SEMA3D: variants seen among roughly 807,000 people sequenced by gnomAD.
The protein encoded by SEMA3D is semaphorin 3D.
Under a neutral mutation model 100.1 loss-of-function variants are expected in SEMA3D, and 84 were observed. The observed-to-expected ratio is 0.84, with a 90% confidence interval of 0.70 to 1.01. The LOEUF (loss-of-function observed/expected upper bound fraction) is 1.01, where lower values mean the gene tolerates loss of function less well. Among genes scored for constraint, SEMA3D ranks in the 50% least tolerant of loss-of-function variants. SEMA3D has a pLI of 0.00. For synonymous variants in SEMA3D, 312 were observed against 320.7 expected (o/e 0.97, Z 0.29); for missense variants, 875 against 934.1 (o/e 0.94, Z 0.82).
chr7:85,178,881 GA>G (rs1161125636), intron 1 of SEMA3D, among the ~76,000 whole-genome samples: 1 of 152,158 alleles, frequency 6.6e-6, no homozygotes, highest in Non-Finnish European at 1.5e-5. Context: ...TGCAGCCTTG[GA>G]CTTGGTGCCC....
chr7:85,112,936 G>T (rs537975815), intron 3 of SEMA3D, among the ~76,000 whole-genome samples: 66 of 152,172 alleles, frequency 4.3e-4, no homozygotes, highest in African/African-American at 1.5e-3. Flanking sequence ...TGTAGAATGG[G>T]TGAATATATG....
intron 2 of SEMA3D, chr7:85,143,194 A>G: frequency 1.0e-6 from 1 of 959,344 alleles, no homozygotes; most frequent in African/African-American, 1.8e-5. Context: ...GTCATATGAG[A>G]AAAGTGATTA....
At chr7:85,038,610 C>A (rs756198558) in intron 11 of SEMA3D, among the ~76,000 whole-genome samples, 5 of 152,148 alleles carry the variant, frequency 3.3e-5, no homozygotes, top group Non-Finnish European at 7.4e-5. Context: ...AAAAAACGAA[C>A]TATCTTGGGG....
intron 2 of SEMA3D, chr7:85,141,115 T>C: frequency 1.0e-6 from 1 of 982,514 alleles, no homozygotes; most frequent in Non-Finnish European, 1.2e-6. Context: ...GTTTCAAAAC[T>C]GTTTTTATAG....
chr7:85,025,358 G>A (rs928024169), intron 12 of SEMA3D, among the ~76,000 whole-genome samples: 1 of 151,964 alleles, frequency 6.6e-6, no homozygotes, highest in African/African-American at 2.4e-5. Flanking sequence ...AGATGAAAGT[G>A]GAAACCCAAC....
chr7:85,117,215 G>A (rs1004631491), intron 3 of SEMA3D, among the ~76,000 whole-genome samples: 1 of 152,114 alleles, frequency 6.6e-6, no homozygotes, highest in Admixed American at 6.6e-5. Flanking sequence ...GGAGAAACCT[G>A]AGGATACATG....
the SEMA3D span, among the ~76,000 whole-genome samples, chr7:85,243,541 T>C: frequency 6.6e-6 from 1 of 152,208 alleles, no homozygotes; most frequent in South Asian, 2.1e-4. Flanking sequence ...GTTTGCCCTA[T>C]GACTTCATTT....
intron 5 of SEMA3D, 76 bp from the exon 6 acceptor site, chr7:85,073,157 T>C (rs2116190170): frequency 7.8e-7 from 1 of 1,277,138 alleles, no homozygotes; most frequent in Non-Finnish European, 1.1e-6. Context: ...CCACCTGTTT[T>C]CCAAGTAGAT....
rs184238613 is a variant in SEMA3D at position 85,163,076 on chromosome 7, A to G, written c.-172-9337T>C. 87 of 645,404 alleles carry G rather than the reference A, an allele frequency of 1.3e-4. No homozygotes were observed. In the African/African-American group the frequency reaches 1.6e-3, roughly 12 times the overall value. The allele number at this position is 645,404 out of a possible 1,614,324, so 40.0% of individuals were successfully genotyped here. ...TATATACATATCCAAAATATACAGTAAGATTAGAAAGTAAAACAGAATACA... is the reference window on the plus strand; with the variant it reads ...TATATACATATCCAAAATATACAGTGAGATTAGAAAGTAAAACAGAATACA... On this transcript the variant is annotated intron_variant, in intron 1 of 18. Transcript: ENST00000284136.
chr7:85,068,921 AAT>A (rs1389442468), intron 6 of SEMA3D, among the ~76,000 whole-genome samples: 1 of 152,156 alleles, frequency 6.6e-6, no homozygotes, highest in Non-Finnish European at 1.5e-5. Flanking sequence ...CTATTTTTAT[AAT>A]AGTGACCACA....
the SEMA3D span, among the ~76,000 whole-genome samples, chr7:85,231,668 T>C: frequency 1.3e-5 from 2 of 152,138 alleles, no homozygotes; most frequent in Non-Finnish European, 2.9e-5. Flanking sequence ...GCCAGGATGG[T>C]CTCGATCTCC....
the SEMA3D span, among the ~76,000 whole-genome samples, chr7:85,215,373 G>T: frequency 6.6e-6 from 1 of 152,118 alleles, no homozygotes; most frequent in South Asian, 2.1e-4. Flanking sequence ...AGCATCAAGA[G>T]ATTGTCTCTT....
At chr7:85,191,064 C>A (rs1156403785), upstream of SEMA3D, among the ~76,000 whole-genome samples, 1 of 151,980 alleles carries the variant, frequency 6.6e-6, no homozygotes, top group Admixed American at 6.6e-5. Context: ...AATCTTAAGG[C>A]TATATTTACT....
intron 5 of SEMA3D, among the ~76,000 whole-genome samples, chr7:85,075,638 T>A (rs1044894608): frequency 1.3e-5 from 2 of 152,180 alleles, no homozygotes; most frequent in Non-Finnish European, 2.9e-5. Context: ...TCTTGAATTA[T>A]CTGACACAGT....
chr7:85,056,890 C>CATAT (rs10525654), intron 8 of SEMA3D, among the ~76,000 whole-genome samples: 34,176 of 138,276 alleles, frequency 0.25, 4,396 homozygotes, highest in South Asian at 0.33. Flanking sequence ...ACATATACAG[C>CATAT]ATATATATAT....
Position 85,072,957 on chromosome 7 carries a change from A to G in SEMA3D, c.495+5T>C, listed in dbSNP as rs114634487. 1.5e-3 allele frequency: 2,441 copies of G among 1,592,216 alleles called. 30 individuals carry two copies. The African/African-American group carries it at 0.028, about 18-fold the overall frequency. On this transcript the variant is annotated splice_donor_5th_base_variant and intron_variant, in intron 6 of 18. Coordinates refer to ENST00000284136, the MANE Select transcript of SEMA3D (RefSeq NM_001384900.1). ...TATGCTTTTCATGCTTTTTCATTATATTACCTCCTTGTAGACTCCAAGATC... is the reference window on the plus strand; with the variant it reads ...TATGCTTTTCATGCTTTTTCATTATGTTACCTCCTTGTAGACTCCAAGATC...
At chr7:85,133,092 A>G (rs559157124) in intron 2 of SEMA3D, among the ~76,000 whole-genome samples, 1 of 152,114 alleles carries the variant, frequency 6.6e-6, no homozygotes, top group East Asian at 1.9e-4. Context: ...TTATAAAAAA[A>G]ACCTCTCTGG....
rs1583987388 is a variant in SEMA3D at position 85,171,105 on chromosome 7, C to T, written c.-173+15573G>A. On this transcript the variant is annotated intron_variant, in intron 1 of 18. Coordinates refer to ENST00000284136, the MANE Select transcript of SEMA3D (RefSeq NM_001384900.1). ...TGTGACTCAAAAGTGAGCTTCCTTT[C>T]CACCAAAAGACAGTGTACACACTTG... Among the ~76,000 whole-genome samples the T allele has an allele frequency of 2.0e-5, 3 of 152,040 alleles. No individual in the cohort carries two copies. In the East Asian group the frequency reaches 5.8e-4, roughly 29 times the overall value.
At chr7:85,112,034 G>T (rs1789110686) in intron 3 of SEMA3D, among the ~76,000 whole-genome samples, 1 of 152,062 alleles carries the variant, frequency 6.6e-6, no homozygotes, top group African/African-American at 2.4e-5. Flanking sequence ...TCCCTGTCTT[G>T]ATTCATTTTT....
Sources: allele counts gnomAD v4.1 joint callset (sites outside exome capture counted in the v4.1 genomes callset), GRCh38; gene constraint gnomAD v4.1.1; transcripts MANE v1.5; gene names NCBI Gene and HGNC (gene_info 2026-07-23, HGNC 2026-07-21).